Variants in PADI2 observed in about 807,000 individuals in gnomAD.
PADI2 encodes protein-arginine deiminase type-2.
PADI2 carries 70 observed loss-of-function variants against 81.1 expected under a neutral mutation model. The observed-to-expected ratio is 0.86, with a 90% CI of 0.71 to 1.05. PADI2 has a LOEUF of 1.05. PADI2 is among the 50% of genes least tolerant of loss of function. PADI2 has a pLI of 0.00. For synonymous variants in PADI2, 338 were observed against 358.0 expected, an observed-to-expected ratio of 0.94 and a Z score of 0.63; for missense variants, 853 against 889.9, an observed-to-expected ratio of 0.96 and a Z score of 0.53.
At chr1:17,083,501 C>A in intron 9 of PADI2, 1 of 539,794 alleles carries the variant, frequency 1.9e-6, no homozygotes, top group Non-Finnish European at 3.3e-6. Context: ...TTACTCAGTC[C>A]TCCACAGATG....
At chr1:17,072,942 G>C (rs1008035224) in intron 13 of PADI2, among the ~76,000 whole-genome samples, 2 of 152,072 alleles carry the variant, frequency 1.3e-5, no homozygotes, top group African/African-American at 2.4e-5. Context: ...CCATCAGTGG[G>C]GAATTTAAAA....
Position 17,082,469 on chromosome 1 carries a change from A to C in PADI2, c.1158+76T>G, listed in dbSNP as rs973443975. On this transcript the variant is annotated intron_variant, in intron 10 of 15. Coordinates refer to ENST00000375486, the MANE Select transcript of PADI2 (RefSeq NM_007365.3). Reference sequence around the variant, plus strand: ...GCAGATGAATGTGTCAAGGCGGCCCAGGGTCTCCTGACCACTCTGTCTTAT... The same window carrying C: ...GCAGATGAATGTGTCAAGGCGGCCCCGGGTCTCCTGACCACTCTGTCTTAT... 49 of 946,310 alleles carry C rather than the reference A, an allele frequency of 5.2e-5. 3 individuals carry two copies. In the South Asian group the frequency reaches 6.0e-4, roughly 12 times the overall value. 58.6% of individuals were successfully genotyped at this position (946,310 alleles called of 1,614,324 possible). A position where few individuals can be genotyped will look rare whatever the true frequency, so the allele number is the denominator to read the frequency against.
At chr1:17,083,684 C>T (rs774348104) in intron 9 of PADI2, 42 bp downstream of exon 9, 1 of 1,260,354 alleles carries the variant, frequency 7.9e-7, no homozygotes, top group Non-Finnish European at 1.2e-6. Flanking sequence ...TTTGCTTGAC[C>T]CGGGGGCCAT....
In PADI2 at chr1:17,074,942, A is replaced by G. The variant is rs148391776; in HGVS notation, c.1463T>C (p.Leu488Pro). The G allele has an allele frequency of 6.2e-7, 1 of 1,611,028 alleles. No individual in the cohort carries two copies. Among genetic ancestry groups the G allele is most frequent in the Non-Finnish European group, 8.5e-7 (1 of 1,177,902 alleles). ...FVPIPGTKKF[L>P]LLMASTSACY... Reference sequence around the variant, plus strand: ...GGCCGAGGTGCTGGCCATGAGTAGCAGGAATTTCTGCAAGAGACAGTCCAG... The same window carrying G: ...GGCCGAGGTGCTGGCCATGAGTAGCGGGAATTTCTGCAAGAGACAGTCCAG... The change falls in exon 13 of 16, where the codon CTG (leucine) becomes CCG (proline). Residue 488 changes from leucine to proline, a missense_variant. By Grantham distance (98) the Leu-to-Pro change is moderately conservative. Coordinates refer to ENST00000375486, the MANE Select transcript of PADI2 (RefSeq NM_007365.3).
chr1:17,095,665 G>T (rs1210670299), intron 4 of PADI2, among the ~76,000 whole-genome samples: 1 of 152,204 alleles, frequency 6.6e-6, no homozygotes, highest in East Asian at 1.9e-4. Flanking sequence ...CTTCCCAGCA[G>T]TTCCATGAAT....
Position 17,100,205 on chromosome 1 carries a change from T to C in PADI2, c.349+2782A>G, listed in dbSNP as rs535992525. ...GAAACCAGATTTTCACCAGGGTCTC[T>C]GTTGGAACAGGAAACAGAAGTTCAA... On this transcript the variant is annotated intron_variant, in intron 3 of 15. Coordinates refer to ENST00000375486, the MANE Select transcript of PADI2 (RefSeq NM_007365.3). 8.5e-5 allele frequency among the ~76,000 whole-genome samples: 13 copies of C among 152,366 alleles called. No individual in the cohort carries two copies. In the East Asian group the frequency reaches 2.3e-3, roughly 27 times the overall value.
intron 5 of PADI2, among the ~76,000 whole-genome samples, chr1:17,092,925 G>A (rs543810840): frequency 6.9e-6 from 1 of 144,862 alleles, no homozygotes; most frequent in East Asian, 2.0e-4. Context: ...CTCCAGCTTG[G>A]GCAATAGAAC....
chr1:17,083,388 G>T (rs1300721104), intron 9 of PADI2: 9 of 245,216 alleles, frequency 3.7e-5, no homozygotes, highest in Non-Finnish European at 7.9e-6. Context: ...TCCTGAATAT[G>T]TTTTCCGTTG....
At chr1:17,088,103 G>A (rs1930535025) in intron 6 of PADI2, among the ~76,000 whole-genome samples, 1 of 152,184 alleles carries the variant, frequency 6.6e-6, no homozygotes, top group Admixed American at 6.5e-5. Flanking sequence ...CGGCGGCTAT[G>A]GGTGAGATCC....
chr1:17,079,707 T>A (rs2078330276), intron 10 of PADI2, among the ~76,000 whole-genome samples: 1 of 151,996 alleles, frequency 6.6e-6, no homozygotes, highest in Non-Finnish European at 1.5e-5. Flanking sequence ...TTCCTGTGTA[T>A]GCCTCTATTT....
chr1:17,092,566 A>G, intron 5 of PADI2, 33 bp from the exon 6 acceptor site: 1 of 1,540,644 alleles, frequency 6.5e-7, no homozygotes, highest in Non-Finnish European at 8.7e-7. Flanking sequence ...GAAGAGATCT[A>G]TCTGTTGCTG....
intron 1 of PADI2, among the ~76,000 whole-genome samples, chr1:17,106,989 A>G (rs1931404024): frequency 6.6e-6 from 1 of 151,898 alleles, no homozygotes; most frequent in South Asian, 2.1e-4. Flanking sequence ...ATTTGTTTTT[A>G]AGCCACCCTG....
chr1:17,112,755 G>C (rs745766407), intron 1 of PADI2, among the ~76,000 whole-genome samples: 1 of 152,160 alleles, frequency 6.6e-6, no homozygotes, highest in Admixed American at 6.5e-5. Context: ...CAGCTGTCCC[G>C]GGCCTCTCCT....
intron 10 of PADI2, among the ~76,000 whole-genome samples, 193 bp from the exon 11 acceptor site, chr1:17,079,608 G>A (rs2078329175): frequency 1.3e-5 from 2 of 151,932 alleles, no homozygotes; most frequent in Admixed American, 6.6e-5. Flanking sequence ...TGAGCATCTC[G>A]GTGTAGTGTG....
Position 17,119,308 on chromosome 1 carries a change from C to T in PADI2, c.64G>A (p.Gly22Ser), listed in dbSNP as rs374088881. 8.3e-6 allele frequency: 13 copies of T among 1,561,540 alleles called. No homozygotes were observed. The highest frequency in any genetic ancestry group is 8.7e-6 in the Non-Finnish European group (10 of 1,154,170). The change falls in exon 1 of 16, where the codon GGC (glycine) becomes AGC (serine). Residue 22 changes from glycine to serine, a missense_variant. Transcript: ENST00000375486. This position sits in a 1 kb window ranked among gnomAD's most constrained non-coding sequence, Gnocchi z 4.8. ...GSRVEAVYVL[G>S]TYLWTDVYSA... Reference sequence around the variant, plus strand: ...TAGACATCGGTCCAGAGGTAGGTGCCCAGCACGTACACCGCCTCCACGCGG... The same window carrying T: ...TAGACATCGGTCCAGAGGTAGGTGCTCAGCACGTACACCGCCTCCACGCGG...
In PADI2 at chr1:17,070,222, T is replaced by A; in HGVS notation, c.1636-6A>T. The A allele has an allele frequency of 6.2e-7, 1 of 1,613,404 alleles. No homozygotes were observed. Among genetic ancestry groups the A allele is most frequent in the South Asian group, 1.1e-5 (1 of 91,040 alleles). The stretch of plus-strand genomic sequence containing the variant: ...CGGTTCCAGTCTAGGCAGCGCTGGG[T>A]AGGAGAAAGGATGGAGGGCATGCAG... On this transcript the variant is annotated splice_region_variant and splice_polypyrimidine_tract_variant and intron_variant, in intron 14 of 15. Transcript: ENST00000375486.
chr1:17,070,192 T>C lies in PADI2; in HGVS notation c.1660A>G (p.Ile554Val). ...GTCAGTCCCAGCTCCTTCTTGAGGA[T>C]GTCACGGTTCCAGTCTAGGCAGCGC... ...FQRCLDWNRD[I>V]LKKELGLTEQ... is the part of the protein sequence containing the mutation. The change falls in exon 15 of 16, where the codon ATC becomes GTC. Residue 554 changes from isoleucine (I) to valine (V), a missense_variant. Physicochemically the swap from Ile to Val is conservative, Grantham distance 29 (BLOSUM62 3). Coordinates refer to ENST00000375486, the MANE Select transcript of PADI2 (RefSeq NM_007365.3). 6.2e-7 allele frequency: 1 copy of C among 1,614,080 alleles called. No homozygotes were observed. The highest frequency in any genetic ancestry group is 8.5e-7 in the Non-Finnish European group (1 of 1,179,966).
chr1:17,105,108 G>A, intron 1 of PADI2, 47 bp from the exon 2 acceptor site: 1 of 1,368,236 alleles, frequency 7.3e-7, no homozygotes, highest in Non-Finnish European at 9.7e-7. Flanking sequence ...TGGGGTAGGT[G>A]GGATGAGGGG....
Position 17,086,598 on chromosome 1 carries a change from C to A in PADI2, c.757G>T (p.Glu253Ter), listed in dbSNP as rs1285965708. The change falls in exon 7 of 16, where the codon GAA becomes TAA. Residue 253 changes from glutamate to a stop codon, truncating the protein, a stop_gained. Transcript: ENST00000375486. LOFTEE classifies it high-confidence loss of function. ...CCCTCGTCGGGGAAACAGAGGCCTT[C>A]CACGAAGAACAGCAGCTCCGCGGAG... The part of the protein sequence containing the change: ...GGSAELLFFV[E>*]GLCFPDEGFS... The A allele has an allele frequency of 6.2e-7, 1 of 1,614,132 alleles. No homozygotes were observed. Among genetic ancestry groups the A allele is most frequent in the Admixed American group, 1.7e-5 (1 of 60,022 alleles).
Sources: gnomAD v4.1 joint callset for allele counts (sites outside exome capture counted in the v4.1 genomes callset) on GRCh38, gnomAD v4.1.1 for gene constraint, Gnocchi (gnomAD v3.1) non-coding constraint, MANE v1.5 for transcripts, NCBI Gene and HGNC (gene_info 2026-07-23, HGNC 2026-07-21) for gene names.